Variants in ADK observed in about 807,000 individuals in gnomAD.
The protein encoded by ADK is N6,N6-dimethyladenosine kinase.
A neutral mutation model predicts 44.7 loss-of-function variants in ADK; 24 were observed. The observed-to-expected ratio is 0.54, with a 90% confidence interval of 0.39 to 0.76. The LOEUF (loss-of-function observed/expected upper bound fraction) is 0.76. Ranked by LOEUF, ADK falls within the 30% of genes least tolerant of loss-of-function variation. The pLI, the probability that ADK is intolerant of heterozygous loss-of-function variation, is 0.00. For synonymous variants in ADK, 128 were observed against 142.6 expected (o/e 0.90, Z 0.73); for missense variants, 321 against 425.1 (o/e 0.76, Z 2.15).
intron 3 of ADK, among the ~76,000 whole-genome samples, chr10:74,250,782 T>G (rs944111755): frequency 3.9e-5 from 6 of 152,260 alleles, no homozygotes; most frequent in African/African-American, 1.4e-4. Context: ...GGTATTTTTG[T>G]TTTGCTTCAT....
At chr10:74,345,463 A>G (rs1310040408) in intron 4 of ADK, among the ~76,000 whole-genome samples, 2 of 152,074 alleles carry the variant, frequency 1.3e-5, no homozygotes, top group Non-Finnish European at 2.9e-5. Context: ...GCATACCATC[A>G]TGCTTGGCTA....
chr10:74,527,450 T>TA (rs1849098125), intron 7 of ADK: 3 of 499,956 alleles, frequency 6.0e-6, no homozygotes, highest in Admixed American at 3.2e-5. Flanking sequence ...TTGAATGCCA[T>TA]AAAAAATGCT....
At chr10:74,256,767 A>G (rs1289134158) in intron 3 of ADK, among the ~76,000 whole-genome samples, 1 of 152,174 alleles carries the variant, frequency 6.6e-6, no homozygotes, top group Non-Finnish European at 1.5e-5. Flanking sequence ...GTTTTAAGCC[A>G]CTGATATTTT....
intron 6 of ADK, among the ~76,000 whole-genome samples, chr10:74,487,317 A>G (rs11001052): frequency 6.6e-6 from 1 of 151,726 alleles, no homozygotes; most frequent in Non-Finnish European, 1.5e-5. Flanking sequence ...TTCAGAATGA[A>G]TGATTGATAG....
intron 7 of ADK, among the ~76,000 whole-genome samples, chr10:74,560,697 T>C (rs1217922393): frequency 6.6e-6 from 1 of 152,244 alleles, no homozygotes; most frequent in Non-Finnish European, 1.5e-5. Context: ...TTCCAAGTTA[T>C]AGTATTGAGA....
intron 3 of ADK, among the ~76,000 whole-genome samples, chr10:74,254,811 A>G (rs764284272): frequency 9.2e-5 from 14 of 152,210 alleles, no homozygotes; most frequent in Non-Finnish European, 1.5e-4. Context: ...CAATGGACAA[A>G]TAGTCATTTT....
intron 9 of ADK, among the ~76,000 whole-genome samples, chr10:74,611,527 G>A (rs1169555212): frequency 6.7e-6 from 1 of 149,310 alleles, no homozygotes; most frequent in Non-Finnish European, 1.5e-5. Context: ...GGGGGAGGGT[G>A]TGATACTTTT....
At chr10:74,591,835 G>C (rs1288038163) in intron 8 of ADK, among the ~76,000 whole-genome samples, 1 of 152,072 alleles carries the variant, frequency 6.6e-6, no homozygotes, top group African/African-American at 2.4e-5. Context: ...CAGTGCCGCT[G>C]TCCTACCCTC....
intron 7 of ADK, among the ~76,000 whole-genome samples, chr10:74,587,895 T>C (rs1469704261): frequency 6.6e-6 from 1 of 152,146 alleles, no homozygotes; most frequent in Non-Finnish European, 1.5e-5. Context: ...TAACCTGTTA[T>C]AAGAGCCTTA....
chr10:74,654,209 T>G (rs1239876599), intron 9 of ADK, among the ~76,000 whole-genome samples: 3 of 152,224 alleles, frequency 2.0e-5, no homozygotes, highest in Non-Finnish European at 4.4e-5. Context: ...GAAGGAGAGA[T>G]ATGATTTTAA....
chr10:74,226,091 T>C (rs923494385), intron 3 of ADK, among the ~76,000 whole-genome samples: 1 of 152,244 alleles, frequency 6.6e-6, no homozygotes, highest in Middle Eastern at 3.4e-3. Context: ...CTTGGCGAAC[T>C]GATACTTTTT....
intron 9 of ADK, among the ~76,000 whole-genome samples, chr10:74,617,577 T>A (rs1254114432): frequency 6.6e-6 from 1 of 152,100 alleles, no homozygotes; most frequent in East Asian, 1.9e-4. Flanking sequence ...CTTATTGGAT[T>A]TGATGTGATG....
At chr10:74,586,757 G>C (rs1447453360) in intron 7 of ADK, among the ~76,000 whole-genome samples, 4 of 151,816 alleles carry the variant, frequency 2.6e-5, no homozygotes, top group Admixed American at 2.0e-4. Flanking sequence ...GGGAGGCTGA[G>C]GCAGGAGAAT....
At chr10:74,516,620 T>C (rs1394230929) in intron 6 of ADK, 1 of 151,956 alleles carries the variant, frequency 6.6e-6, no homozygotes, top group Admixed American at 6.6e-5. Context: ...ACCTCCTTGG[T>C]TCAAGCGACC....
intron 1 of ADK, among the ~76,000 whole-genome samples, chr10:74,161,730 G>A (rs1841904085): frequency 6.6e-6 from 1 of 151,212 alleles, no homozygotes; most frequent in African/African-American, 2.4e-5. Context: ...TGAGATGAGG[G>A]GGTCTTGCTG....
intron 6 of ADK, among the ~76,000 whole-genome samples, chr10:74,442,271 G>A (rs1845440757): frequency 6.6e-6 from 1 of 151,930 alleles, no homozygotes; most frequent in Non-Finnish European, 1.5e-5. Flanking sequence ...AATTGGCACA[G>A]AGATTATGAA....
chr10:74,564,395 C>G (rs576342152), intron 7 of ADK, among the ~76,000 whole-genome samples: 42 of 152,302 alleles, frequency 2.8e-4, no homozygotes, highest in African/African-American at 1.0e-3. Context: ...CATCTATTCT[C>G]TTTGATAGCC....
intron 6 of ADK, among the ~76,000 whole-genome samples, chr10:74,398,878 T>A (rs1489447720): frequency 6.6e-6 from 1 of 152,102 alleles, no homozygotes; most frequent in Non-Finnish European, 1.5e-5. Context: ...TATTTTAAAA[T>A]AATTCTACAA....
chr10:74,304,045 A>G (rs953860253), intron 3 of ADK, among the ~76,000 whole-genome samples: 2 of 151,994 alleles, frequency 1.3e-5, no homozygotes. Context: ...ATGTCTGTAT[A>G]CTTTTGAATT....
Sources: allele counts gnomAD v4.1 joint callset (sites outside exome capture counted in the v4.1 genomes callset), GRCh38; gene constraint gnomAD v4.1.1; transcripts MANE v1.5; gene names NCBI Gene and HGNC (gene_info 2026-07-23, HGNC 2026-07-21).